ASAP1: variants seen among roughly 807,000 people sequenced by gnomAD.
ASAP1 encodes arf-GAP with SH3 domain, ANK repeat and PH domain-containing protein 1.
Under a neutral mutation model 145.2 loss-of-function variants are expected in ASAP1, and 43 were observed. The ratio of observed to expected loss-of-function variants is 0.30; its 90% CI spans 0.23 to 0.38. ASAP1 has a LOEUF of 0.38. Ranked by LOEUF, ASAP1 falls within the 10% of genes least tolerant of loss-of-function variation. The probability of loss-of-function intolerance (pLI) is 1.00; values close to 1 mark genes in which losing one functional copy is unlikely to be tolerated. For missense variants in ASAP1, 1,018 were observed against 1,355.3 expected (o/e 0.75, Z 3.91); for synonymous variants, 546 against 515.5 (o/e 1.06, Z -0.80).
intron 7 of ASAP1, among the ~76,000 whole-genome samples, chr8:130,185,432 C>T (rs558802014): frequency 6.6e-6 from 1 of 151,924 alleles, no homozygotes; most frequent in Non-Finnish European, 1.5e-5. Flanking sequence ...GAGGACAATA[C>T]AGAAAAATGA....
intron 3 of ASAP1, among the ~76,000 whole-genome samples, chr8:130,291,139 C>T (rs1356997975): frequency 6.6e-6 from 1 of 151,988 alleles, no homozygotes; most frequent in African/African-American, 2.4e-5. Context: ...ACCCCTCCAG[C>T]CAAAAAATGA....
chr8:130,160,687 G>A (rs1337016071), intron 11 of ASAP1: 8 of 794,412 alleles, frequency 1.0e-5, no homozygotes, highest in African/African-American at 3.7e-5. Flanking sequence ...TTACGAAAAT[G>A]TAAGAAATAA....
At chr8:130,437,433 G>A (rs1830351591) in intron 1 of ASAP1, among the ~76,000 whole-genome samples, 1 of 152,316 alleles carries the variant, frequency 6.6e-6, no homozygotes, top group Admixed American at 6.5e-5. Flanking sequence ...AGTCAGTATG[G>A]TCAGTGCAAA....
At chr8:130,177,338 A>G (rs1168504898) in intron 9 of ASAP1, among the ~76,000 whole-genome samples, 3 of 152,280 alleles carry the variant, frequency 2.0e-5, no homozygotes, top group Non-Finnish European at 2.9e-5. Context: ...ATAAACTTAG[A>G]GAATTTAACG....
At chr8:130,330,564 G>C (rs1442409128) in intron 3 of ASAP1, among the ~76,000 whole-genome samples, 1 of 152,226 alleles carries the variant, frequency 6.6e-6, no homozygotes, top group Non-Finnish European at 1.5e-5. Context: ...CAGGCACATA[G>C]TAGGTGCTCA....
intron 29 of ASAP1, among the ~76,000 whole-genome samples, chr8:130,055,100 C>T (rs917016806): frequency 6.6e-6 from 1 of 152,174 alleles, no homozygotes; most frequent in Non-Finnish European, 1.5e-5. Context: ...CTTCATTTTA[C>T]AGATGAAGGG....
At chr8:130,143,411 G>GT (rs35855151) in intron 13 of ASAP1, among the ~76,000 whole-genome samples, 20,088 of 141,950 alleles carry the variant, frequency 0.14, 1,479 homozygotes, top group South Asian at 0.33. Flanking sequence ...TGAGATGTCT[G>GT]TTTTTTTTTT....
intron 13 of ASAP1, among the ~76,000 whole-genome samples, chr8:130,137,949 T>G (rs1430979429): frequency 6.6e-6 from 1 of 152,256 alleles, no homozygotes; most frequent in Non-Finnish European, 1.5e-5. Flanking sequence ...GGCTGGGCTG[T>G]GCTCGAACAC....
At chr8:130,236,445 A>G (rs542586213) in intron 4 of ASAP1, among the ~76,000 whole-genome samples, 1 of 152,124 alleles carries the variant, frequency 6.6e-6, no homozygotes, top group Non-Finnish European at 1.5e-5. Context: ...ACCTTCCAAC[A>G]AAAGAAAAGA....
intron 3 of ASAP1, among the ~76,000 whole-genome samples, chr8:130,264,480 T>C (rs113622058): frequency 2.6e-5 from 4 of 152,262 alleles, no homozygotes; most frequent in Admixed American, 6.5e-5. Context: ...TAGATACCAA[T>C]AGTGCTTGGA....
At chr8:130,065,309 G>A (rs531681763) in intron 27 of ASAP1, among the ~76,000 whole-genome samples, 2 of 152,248 alleles carry the variant, frequency 1.3e-5, no homozygotes, top group Admixed American at 6.5e-5. Context: ...TCGCCCTCCC[G>A]GCACGTGAGC....
chr8:130,363,782 G>A (rs1321428337), intron 2 of ASAP1, among the ~76,000 whole-genome samples: 2 of 152,176 alleles, frequency 1.3e-5, no homozygotes, highest in Non-Finnish European at 2.9e-5. Context: ...ACTGTATTCT[G>A]TATAGGGCTA....
rs73405594 is a variant in ASAP1 at position 130,117,178 on chromosome 8, T to C, written c.1881-183A>G. 7.0e-3 allele frequency among the ~76,000 whole-genome samples: 1,059 copies of C among 152,326 alleles called. 12 individuals carry two copies. Among genetic ancestry groups the C allele is most frequent in the African/African-American group, 0.025 (1,023 of 41,570 alleles). ...TACAGTGATAACAGGCAGTATTTATTTAGAGTGCCAGGTCCTATGGGACAG... is the reference window on the plus strand; with the variant it reads ...TACAGTGATAACAGGCAGTATTTATCTAGAGTGCCAGGTCCTATGGGACAG... On this transcript the variant is annotated intron_variant, in intron 20 of 29. Coordinates refer to ENST00000518721, the MANE Select transcript of ASAP1 (RefSeq NM_018482.4).
chr8:130,053,283 C>G lies in ASAP1; in HGVS notation c.*1448G>C, dbSNP rs2097396865. ...GCTGTTGCCAAAATAGCAATTTAAG[C>G]AAATGTAGTGCCAGAATGACACATG... On this transcript the variant is annotated 3_prime_UTR_variant, in exon 30 of 30. Coordinates refer to ENST00000518721, the MANE Select transcript of ASAP1 (RefSeq NM_018482.4). 6.6e-6 allele frequency: 1 copy of G among 152,168 alleles called. No individual in the cohort carries two copies. Among genetic ancestry groups the G allele is most frequent in the African/African-American group, 2.4e-5 (1 of 41,442 alleles). 9.4% of individuals were successfully genotyped at this position (152,168 alleles called of 1,614,324 possible). A position where few individuals can be genotyped will look rare whatever the true frequency, so the allele number is the denominator to read the frequency against.
chr8:130,350,921 C>A (rs1180127525), intron 3 of ASAP1, among the ~76,000 whole-genome samples: 1 of 152,152 alleles, frequency 6.6e-6, no homozygotes, highest in African/African-American at 2.4e-5. Flanking sequence ...CAGGTTGGGT[C>A]AACAGTCCCA....
At chr8:130,200,234 T>C (rs1815778265) in intron 5 of ASAP1, among the ~76,000 whole-genome samples, 1 of 152,162 alleles carries the variant, frequency 6.6e-6, no homozygotes, top group Admixed American at 6.5e-5. Context: ...CAGTGGTAAA[T>C]GGAAACAATA....
In ASAP1 at chr8:130,214,932, ACT is replaced by A. The variant is rs374752620; in HGVS notation, c.260-233_260-232del. Among the ~76,000 whole-genome samples, 33 of 151,522 alleles carry A rather than the reference ACT, an allele frequency of 2.2e-4. No individual in the cohort carries two copies. The East Asian group carries it at 4.9e-3, about 22-fold the overall frequency. Reference sequence around the variant, plus strand: ...TTCTTTTTTTTTGAGACAGAGTCTCACTCTGTCTCCCAGGCTGGAGTGCAATG... The same window carrying A: ...TTCTTTTTTTTTGAGACAGAGTCTCACTGTCTCCCAGGCTGGAGTGCAATG... On this transcript the variant is annotated intron_variant, in intron 4 of 29. Coordinates refer to ENST00000518721, the MANE Select transcript of ASAP1 (RefSeq NM_018482.4).
At chr8:130,239,647 G>A (rs969929103) in intron 3 of ASAP1, among the ~76,000 whole-genome samples, 2 of 152,164 alleles carry the variant, frequency 1.3e-5, no homozygotes, top group African/African-American at 4.8e-5. Context: ...CTAAGAGCAG[G>A]AGGGAAAGAA....
chr8:130,324,490 A>C (rs1273556929), intron 3 of ASAP1, among the ~76,000 whole-genome samples: 1 of 152,222 alleles, frequency 6.6e-6, no homozygotes, highest in Non-Finnish European at 1.5e-5. Context: ...TGCTCTACAG[A>C]AAAGGAAATT....
Sources: allele counts gnomAD v4.1 joint callset (sites outside exome capture counted in the v4.1 genomes callset), GRCh38; gene constraint gnomAD v4.1.1; transcripts MANE v1.5; gene names NCBI Gene and HGNC (gene_info 2026-07-23, HGNC 2026-07-21).